SNX29: variants seen among roughly 807,000 people sequenced by gnomAD.
The protein encoded by SNX29 is sorting nexin-29.
Under a neutral mutation model 102.1 loss-of-function variants are expected in SNX29, and 78 were observed. The ratio of observed to expected loss-of-function variants is 0.76; its 90% CI spans 0.64 to 0.92. SNX29 has a LOEUF of 0.92. Among genes scored for constraint, SNX29 ranks in the 40% least tolerant of loss-of-function variants. The probability of loss-of-function intolerance (pLI) is 0.00; values close to 1 mark genes in which losing one functional copy is unlikely to be tolerated. For synonymous variants in SNX29, 580 were observed against 414.5 expected (o/e 1.40, Z -4.85); for missense variants, 1,280 against 1,061.7 (o/e 1.21, Z -2.86).
At chr16:12,005,203 T>G (rs1410159563) in intron 3 of SNX29, among the ~76,000 whole-genome samples, 4 of 152,258 alleles carry the variant, frequency 2.6e-5, no homozygotes, top group Non-Finnish European at 5.9e-5. Context: ...ATTAGATCAT[T>G]CGACTGATTG....
chr16:12,155,988 C>T (rs2141624466), intron 13 of SNX29, among the ~76,000 whole-genome samples: 1 of 152,344 alleles, frequency 6.6e-6, no homozygotes, highest in Non-Finnish European at 1.5e-5. Flanking sequence ...CCCATCATCT[C>T]TCTCTGCTCC....
At chr16:12,401,140 C>A (rs1336733878) in intron 17 of SNX29, among the ~76,000 whole-genome samples, 1 of 152,022 alleles carries the variant, frequency 6.6e-6, no homozygotes, top group Non-Finnish European at 1.5e-5. Flanking sequence ...CTCAGTACCC[C>A]ACTTTTAATA....
At chr16:12,464,998 T>G (rs540350371) in intron 18 of SNX29, among the ~76,000 whole-genome samples, 2 of 152,318 alleles carry the variant, frequency 1.3e-5, no homozygotes, top group Non-Finnish European at 2.9e-5. Flanking sequence ...CTCTGATGAG[T>G]GGTGATGTGA....
At position 12,201,412 on chromosome 16, in the gene SNX29, A is replaced by G. The variant is rs184920716; in HGVS notation, c.1678+1729A>G. Among the ~76,000 whole-genome samples, 259 of 152,196 alleles carry G rather than the reference A, an allele frequency of 1.7e-3. 1 individual carries two copies. Among genetic ancestry groups the G allele is most frequent in the African/African-American group, 6.0e-3 (249 of 41,526 alleles). On this transcript the variant is annotated intron_variant, in intron 14 of 20. Transcript: ENST00000566228. The stretch of plus-strand genomic sequence containing the variant: ...AGCCTTTCCAAGCAAGCTCAAATGT[A>G]CTCTGATTTGACTCAGTAACCTTGT...
At chr16:12,185,506 C>G (rs1033820163) in intron 13 of SNX29, among the ~76,000 whole-genome samples, 4 of 152,206 alleles carry the variant, frequency 2.6e-5, no homozygotes, top group Non-Finnish European at 5.9e-5. Context: ...TTTCAGTCAG[C>G]CAGGCCAGTG....
chr16:12,555,968 G>C (rs140483208), intron 20 of SNX29, among the ~76,000 whole-genome samples: 1 of 150,166 alleles, frequency 6.7e-6, no homozygotes, highest in Admixed American at 6.7e-5. Flanking sequence ...CACCATCTGC[G>C]TGGCTTTCAA....
At chr16:12,001,154 C>A (rs928658756) in intron 2 of SNX29, among the ~76,000 whole-genome samples, 2 of 151,972 alleles carry the variant, frequency 1.3e-5, no homozygotes, top group Non-Finnish European at 2.9e-5. Context: ...CTCTGTCGCC[C>A]GGGCTGGAGT....
chr16:12,082,119 G>T (rs921813198), intron 11 of SNX29, among the ~76,000 whole-genome samples: 5 of 152,168 alleles, frequency 3.3e-5, no homozygotes, highest in African/African-American at 1.2e-4. Flanking sequence ...CTCTGTGTGG[G>T]TGGCACCGTG....
chr16:12,488,110 T>C (rs1432079618), intron 19 of SNX29, among the ~76,000 whole-genome samples: 2 of 152,218 alleles, frequency 1.3e-5, no homozygotes, highest in African/African-American at 4.8e-5. Context: ...GGGAGGACTT[T>C]TCTATAATAT....
chr16:12,315,137 A>G (rs552795677), intron 15 of SNX29, among the ~76,000 whole-genome samples: 2 of 152,126 alleles, frequency 1.3e-5, no homozygotes, highest in Non-Finnish European at 2.9e-5. Context: ...CTTTTGTCTC[A>G]GGGGAATGAT....
chr16:12,286,439 G>T (rs1316873596), intron 15 of SNX29, among the ~76,000 whole-genome samples: 1 of 149,026 alleles, frequency 6.7e-6, no homozygotes, highest in Non-Finnish European at 1.5e-5. Flanking sequence ...TCTGCCTCCC[G>T]GGTTCATGCC....
chr16:12,402,223 A>C (rs144851997), intron 17 of SNX29, among the ~76,000 whole-genome samples: 75 of 152,336 alleles, frequency 4.9e-4, no homozygotes, highest in African/African-American at 1.8e-3. Context: ...CTGCTCAGAG[A>C]TGAGAAGAAA....
At position 12,572,167 on chromosome 16, in the gene SNX29, C is replaced by A; in HGVS notation, c.*3538C>A. On this transcript the variant is annotated 3_prime_UTR_variant, in exon 21 of 21. Transcript: ENST00000566228. ...GCTTATTAAGATCAATTTTGATAAC[C>A]ATGTAATTTCTTAGAACCATGGCAG... 1.0e-6 allele frequency: 1 copy of A among 981,104 alleles called. No homozygotes were observed. Among genetic ancestry groups the A allele is most frequent in the Non-Finnish European group, 1.2e-6 (1 of 803,354 alleles). 60.8% of individuals were successfully genotyped at this position (981,104 alleles called of 1,614,324 possible).
At chr16:12,235,450 A>G (rs1049602261) in intron 14 of SNX29, among the ~76,000 whole-genome samples, 1 of 152,216 alleles carries the variant, frequency 6.6e-6, no homozygotes, top group African/African-American at 2.4e-5. Flanking sequence ...TTGGCATGTC[A>G]GATGGGAGCA....
At chr16:12,229,852 C>T (rs980622747) in intron 14 of SNX29, among the ~76,000 whole-genome samples, 18 of 152,274 alleles carry the variant, frequency 1.2e-4, no homozygotes, top group African/African-American at 4.1e-4. Context: ...TCAGCTCTGT[C>T]TCATACTGGT....
At chr16:12,483,316 T>C (rs1459680931) in intron 19 of SNX29, among the ~76,000 whole-genome samples, 1 of 109,760 alleles carries the variant, frequency 9.1e-6, no homozygotes, top group Non-Finnish European at 1.9e-5. Flanking sequence ...GCCATTTACT[T>C]TTCTTTTTTT....
At chr16:12,022,707 T>C (rs2057065512) in intron 3 of SNX29, among the ~76,000 whole-genome samples, 2 of 152,192 alleles carry the variant, frequency 1.3e-5, no homozygotes, top group Admixed American at 6.5e-5. Flanking sequence ...GGTTATGTCC[T>C]GATAATCCTA....
intron 16 of SNX29, among the ~76,000 whole-genome samples, chr16:12,397,396 G>C (rs1337446023): frequency 6.6e-6 from 1 of 152,200 alleles, no homozygotes; most frequent in South Asian, 2.1e-4. Flanking sequence ...AAGTTTTACA[G>C]CCTCCCTGAG....
intron 15 of SNX29, among the ~76,000 whole-genome samples, chr16:12,280,108 C>G (rs1169261720): frequency 6.6e-6 from 1 of 152,188 alleles, no homozygotes; most frequent in East Asian, 1.9e-4. Flanking sequence ...GCCACTAGTT[C>G]ATTCGTGGGC....
Sources: allele counts gnomAD v4.1 joint callset (sites outside exome capture counted in the v4.1 genomes callset), GRCh38; gene constraint gnomAD v4.1.1; transcripts MANE v1.5; gene names NCBI Gene and HGNC (gene_info 2026-07-23, HGNC 2026-07-21).